The following BPNT1 variants were observed in gnomAD, a reference collection of about 807,000 sequenced individuals.
BPNT1 encodes 3'(2'), 5'-bisphosphate nucleotidase 1.
BPNT1 carries 28 observed loss-of-function variants against 36.9 expected under a neutral mutation model. The ratio of observed to expected loss-of-function variants is 0.76; its 90% CI spans 0.56 to 1.04. BPNT1 has a LOEUF of 1.04. Ranked by LOEUF, BPNT1 falls within the 50% of genes least tolerant of loss-of-function variation. The pLI is 0.00. For missense variants in BPNT1, 313 were observed against 372.9 expected (o/e 0.84, Z 1.32); for synonymous variants, 119 against 130.9 (o/e 0.91, Z 0.62).
At chr1:220,081,515 C>T (rs1157392754) in intron 1 of BPNT1, among the ~76,000 whole-genome samples, 1 of 151,872 alleles carries the variant, frequency 6.6e-6, no homozygotes, top group Non-Finnish European at 1.5e-5. Flanking sequence ...TGCACTCTAG[C>T]CTGGGCGATA....
chr1:220,061,319 C>CT (rs1333767755), intron 7 of BPNT1, among the ~76,000 whole-genome samples: 3 of 152,022 alleles, frequency 2.0e-5, no homozygotes, highest in Non-Finnish European at 4.4e-5. Context: ...AGTCAATTGA[C>CT]TTTTTTTGGT....
intron 4 of BPNT1, among the ~76,000 whole-genome samples, chr1:220,071,728 C>A (rs553422126): frequency 6.6e-6 from 1 of 152,142 alleles, no homozygotes; most frequent in Non-Finnish European, 1.5e-5. Flanking sequence ...GCTCTTGTCA[C>A]CCAGACTGGA....
intron 2 of BPNT1, among the ~76,000 whole-genome samples, chr1:220,076,066 T>C (rs536634148): frequency 2.0e-4 from 30 of 152,238 alleles, no homozygotes; most frequent in Admixed American, 2.0e-4. Flanking sequence ...TAAAAAAAAC[T>C]TTATAAAAAA....
chr1:220,064,309 T>A (rs1017776597), intron 6 of BPNT1, among the ~76,000 whole-genome samples: 1 of 152,220 alleles, frequency 6.6e-6, no homozygotes. Flanking sequence ...AGCAGTACCC[T>A]GGGTGTTGTT....
At chr1:220,088,206 A>AAATTTGGCAGGGCACGGT (rs1201801493) in intron 1 of BPNT1, among the ~76,000 whole-genome samples, 1 of 151,686 alleles carries the variant, frequency 6.6e-6, no homozygotes, top group Non-Finnish European at 1.5e-5. Flanking sequence ...ATAGAAAAGA[A>AAATTTGGCAGGGCACGGT]AATTTGGCAG....
At chr1:220,072,285 C>T (rs908151928) in intron 4 of BPNT1, among the ~76,000 whole-genome samples, 2 of 151,672 alleles carry the variant, frequency 1.3e-5, no homozygotes, top group Non-Finnish European at 2.9e-5. Context: ...ATCGCCTGAA[C>T]CCAGGAGGTG....
intron 6 of BPNT1, among the ~76,000 whole-genome samples, chr1:220,063,202 G>T (rs41274792): frequency 0.038 from 5,785 of 152,158 alleles, 144 homozygotes; most frequent in East Asian, 0.11. Context: ...CAAAAAATTA[G>T]CCGGGCATGG....
At chr1:220,080,785 C>G (rs1665034029) in intron 1 of BPNT1, among the ~76,000 whole-genome samples, 1 of 152,148 alleles carries the variant, frequency 6.6e-6, no homozygotes, top group Non-Finnish European at 1.5e-5. Context: ...CAATTATTTT[C>G]TGAAAATCAA....
chr1:220,083,313 A>T (rs1270646653), intron 1 of BPNT1, among the ~76,000 whole-genome samples: 1 of 151,696 alleles, frequency 6.6e-6, no homozygotes. Flanking sequence ...ATTAAGATGA[A>T]AATTAAACGG....
chr1:220,079,719 T>C lies in BPNT1; in HGVS notation c.120+8A>G, dbSNP rs368800389. On this transcript the variant is annotated splice_region_variant and intron_variant, in intron 2 of 8. Coordinates refer to ENST00000322067, the MANE Select transcript of BPNT1 (RefSeq NM_006085.6). ...AGTTGGTATGAAATGATATGAGAGT[T>C]TGAGTACCTTCTCCACAATACCCAG... The C allele has an allele frequency of 9.9e-6, 16 of 1,613,718 alleles. No homozygotes were observed. The highest frequency in any genetic ancestry group is 1.3e-5 in the African/African-American group (1 of 74,926).
Position 220,061,499 on chromosome 1 carries a change from A to G in BPNT1, c.672+1258T>C, listed in dbSNP as rs6667047. Reference sequence around the variant, plus strand: ...CAGTGAGCCGAGATTGTGCCATTGCACTCCAGCCTGGGCAACAGAGTAAGA... The same window carrying G: ...CAGTGAGCCGAGATTGTGCCATTGCGCTCCAGCCTGGGCAACAGAGTAAGA... On this transcript the variant is annotated intron_variant, in intron 7 of 8. Transcript: ENST00000322067. 4.7e-3 allele frequency among the ~76,000 whole-genome samples: 702 copies of G among 148,070 alleles called. 11 individuals are homozygous for G. The highest frequency in any genetic ancestry group is 0.015 in the African/African-American group (594 of 40,040).
chr1:220,082,642 A>C (rs1655290454), intron 1 of BPNT1, among the ~76,000 whole-genome samples: 1 of 151,404 alleles, frequency 6.6e-6, no homozygotes, highest in Non-Finnish European at 1.5e-5. Context: ...GCTGGAGTGC[A>C]GTGGCACAAT....
chr1:220,059,543 G>A, intron 8 of BPNT1, 143 bp downstream of exon 8: 1 of 538,296 alleles, frequency 1.9e-6, no homozygotes, highest in Middle Eastern at 3.9e-4. Context: ...ATCATATGAG[G>A]GGTTTGGACT....
chr1:220,063,120 G>A (rs530671710), intron 6 of BPNT1, among the ~76,000 whole-genome samples, 166 bp from the exon 7 acceptor site: 17 of 152,226 alleles, frequency 1.1e-4, no homozygotes, highest in Admixed American at 2.6e-4. Flanking sequence ...AGGCCGAGGC[G>A]GGCGGATCAC....
At chr1:220,063,352 A>T (rs575140868) in intron 6 of BPNT1, among the ~76,000 whole-genome samples, 1 of 152,314 alleles carries the variant, frequency 6.6e-6, no homozygotes, top group African/African-American at 2.4e-5. Context: ...CGTCTCAAAA[A>T]ACATGATAAT....
Position 220,079,830 on chromosome 1 carries a change from G to A in BPNT1, c.17C>T (p.Thr6Ile). Residue 6 changes from threonine to isoleucine, a missense_variant, in exon 2 of 9, where the codon ACT becomes ATT. Transcript: ENST00000322067. The stretch of plus-strand genomic sequence containing the variant: ...GGAGGCTACCAACCGCATCAACACA[G>A]TGTTACTGGAAGCCATGGTACACTC... MASSN[T>I]VLMRLVASAY... is the part of the protein sequence containing the mutation. 6.2e-7 allele frequency: 1 copy of A among 1,613,886 alleles called. No individual in the cohort carries two copies. Among genetic ancestry groups the A allele is most frequent in the Non-Finnish European group, 8.5e-7 (1 of 1,179,886 alleles).
chr1:220,076,859 AC>A (rs1664600088), intron 2 of BPNT1, among the ~76,000 whole-genome samples: 1 of 152,122 alleles, frequency 6.6e-6, no homozygotes, highest in Non-Finnish European at 1.5e-5. Flanking sequence ...GAACATGAAT[AC>A]AGCGCTTTAT....
intron 2 of BPNT1, among the ~76,000 whole-genome samples, chr1:220,077,358 A>T (rs1186960225): frequency 6.6e-6 from 1 of 152,096 alleles, no homozygotes; most frequent in East Asian, 1.9e-4. Context: ...CAAAAAAGGA[A>T]ATGAGATTTA....
rs886501904 is a variant in BPNT1 at position 220,058,047 on chromosome 1, G to A, written c.*797C>T. On this transcript the variant is annotated 3_prime_UTR_variant, in exon 9 of 9. Coordinates refer to ENST00000322067, the MANE Select transcript of BPNT1 (RefSeq NM_006085.6). Reference sequence around the variant, plus strand: ...AAAAAATTAGCCAGGCGTGGTGGCGGTGCCTGCAGTCCCAGCTACTCGGGA... The same window carrying A: ...AAAAAATTAGCCAGGCGTGGTGGCGATGCCTGCAGTCCCAGCTACTCGGGA... 1 of 576,952 alleles carries A rather than the reference G, an allele frequency of 1.7e-6. No homozygotes were observed. Among genetic ancestry groups the A allele is most frequent in the South Asian group, 2.8e-5 (1 of 35,122 alleles). 35.7% of individuals were successfully genotyped at this position (576,952 alleles called of 1,614,324 possible).
Sources: allele counts gnomAD v4.1 joint callset (sites outside exome capture counted in the v4.1 genomes callset), GRCh38; gene constraint gnomAD v4.1.1; transcripts MANE v1.5; gene names NCBI Gene and HGNC (gene_info 2026-07-23, HGNC 2026-07-21).